The following TTC13 variants were observed in gnomAD, a reference collection of about 807,000 sequenced individuals.
TTC13 encodes tetratricopeptide repeat protein 13.
TTC13 carries 62 observed loss-of-function variants against 120.0 expected under a neutral mutation model. The observed-to-expected ratio is 0.52, with a 90% CI of 0.42 to 0.64. The LOEUF (loss-of-function observed/expected upper bound fraction) is 0.64. Among genes scored for constraint, TTC13 ranks in the 30% least tolerant of loss-of-function variants. The pLI, the probability that TTC13 is intolerant of heterozygous loss-of-function variation, is 0.00. For synonymous variants in TTC13, 384 were observed against 393.5 expected (o/e 0.98, Z 0.28); for missense variants, 824 against 1,050.2 (o/e 0.78, Z 2.98).
In TTC13 at chr1:230,923,823, T is replaced by C. The variant is rs1426298249; in HGVS notation, c.1814+18A>G. On this transcript the variant is annotated intron_variant, in intron 15 of 22. Transcript: ENST00000366661. ...TAAACTCCTAGGAAAAGAAGAAAGA[T>C]GCACAAAAGGTTCGTACCTGATTAA... 1.9e-6 allele frequency: 3 copies of C among 1,598,046 alleles called. No homozygotes were observed. The highest frequency in any genetic ancestry group is 1.3e-5 in the African/African-American group (1 of 74,524).
At chr1:230,917,185 C>T (rs892237901) in intron 17 of TTC13, among the ~76,000 whole-genome samples, 4 of 151,766 alleles carry the variant, frequency 2.6e-5, no homozygotes, top group African/African-American at 9.7e-5. Flanking sequence ...ATCTTTCACG[C>T]CAAAAAAAAC....
At chr1:230,931,111 T>C (rs758081209) in intron 11 of TTC13, among the ~76,000 whole-genome samples, 187 bp downstream of exon 11, 1 of 152,234 alleles carries the variant, frequency 6.6e-6, no homozygotes, top group Non-Finnish European at 1.5e-5. Flanking sequence ...AGAAAATGCA[T>C]TTGACTGATC....
At chr1:230,914,693 G>A (rs921099073) in intron 18 of TTC13, among the ~76,000 whole-genome samples, 2 of 151,998 alleles carry the variant, frequency 1.3e-5, no homozygotes, top group African/African-American at 4.8e-5. Context: ...GCGCCCGGCC[G>A]ACTTTCTTAA....
chr1:230,949,266 AG>A (rs5781614), intron 4 of TTC13, among the ~76,000 whole-genome samples: 150,546 of 150,546 alleles, frequency 1, 75,273 homozygotes, highest in Non-Finnish European at 1. Context: ...AGTGGGGTGC[AG>A]GTCAATGGAA....
intron 1 of TTC13, among the ~76,000 whole-genome samples, chr1:230,968,101 C>G (rs1677306794): frequency 6.6e-6 from 1 of 151,676 alleles, no homozygotes; most frequent in Non-Finnish European, 1.5e-5. Context: ...GCACCTGCTC[C>G]CTCTTTCTGT....
At chr1:230,941,539 G>A (rs1473675809) in intron 6 of TTC13, among the ~76,000 whole-genome samples, 1 of 152,170 alleles carries the variant, frequency 6.6e-6, no homozygotes, top group Non-Finnish European at 1.5e-5. Context: ...TTGGCCTTGA[G>A]CAATCCTCCT....
Position 230,940,417 on chromosome 1 carries a change from A to G in TTC13, c.789+23T>C. On this transcript the variant is annotated intron_variant, in intron 7 of 22. Transcript: ENST00000366661. This position sits in a 1 kb window ranked among gnomAD's most constrained non-coding sequence, Gnocchi z 4.1. ...ATGAAATCTTCATCATCATAAAAAT[A>G]CTTCAAGACAAAAACCAGTCACCTC... 1 of 1,448,380 alleles carries G rather than the reference A, an allele frequency of 6.9e-7. No homozygotes were observed. The highest frequency in any genetic ancestry group is 9.6e-7 in the Non-Finnish European group (1 of 1,037,678). The allele number at this position is 1,448,380 out of a possible 1,614,324, so 89.7% of individuals were successfully genotyped here.
intron 17 of TTC13, among the ~76,000 whole-genome samples, chr1:230,916,798 C>T (rs1672078368): frequency 1.3e-5 from 2 of 152,224 alleles, no homozygotes; most frequent in Non-Finnish European, 2.9e-5. Context: ...ACCCACCCAA[C>T]TCTGTGAGCC....
chr1:230,943,859 G>A lies in TTC13; in HGVS notation c.619C>T (p.Arg207Ter), dbSNP rs1180851976. The A allele has an allele frequency of 3.1e-6, 5 of 1,611,506 alleles. No individual in the cohort carries two copies. The highest frequency in any genetic ancestry group is 4.2e-6 in the Non-Finnish European group (5 of 1,178,346). The stretch of plus-strand genomic sequence containing the variant: ...CGATCTGGTTCCAAGGTAATTACTC[G>A]GCTCAGTTCGAACAGAGCAAGCTCA... ...NAELALFELS[R>*]VITLEPDRPE... The change falls in exon 6 of 23, where the codon CGA (arginine) becomes TGA (stop). Residue 207 changes from arginine to a stop codon, truncating the protein, a stop_gained. Coordinates refer to ENST00000366661, the MANE Select transcript of TTC13 (RefSeq NM_024525.5). LOFTEE classifies it high-confidence loss of function.
At chr1:230,925,027 C>A in intron 13 of TTC13, 54 bp from the exon 14 acceptor site, 1 of 1,603,748 alleles carries the variant, frequency 6.2e-7, no homozygotes, top group Non-Finnish European at 8.5e-7. Context: ...GACTGAGTTC[C>A]ACCTACTTTA....
chr1:230,915,516 C>T (rs547322234), intron 18 of TTC13, among the ~76,000 whole-genome samples: 43 of 152,036 alleles, frequency 2.8e-4, no homozygotes, highest in African/African-American at 9.6e-4. Flanking sequence ...TGAGAAATAC[C>T]CTAAGTGGTC....
At chr1:230,930,544 T>G (rs1195385189) in intron 11 of TTC13, among the ~76,000 whole-genome samples, 1 of 152,234 alleles carries the variant, frequency 6.6e-6, no homozygotes, top group Non-Finnish European at 1.5e-5. Context: ...ATTTGCTTTC[T>G]TCCTCACCTC....
chr1:230,928,672 T>C (rs899218734), intron 12 of TTC13, among the ~76,000 whole-genome samples: 1 of 152,258 alleles, frequency 6.6e-6, no homozygotes, highest in Admixed American at 6.5e-5. Flanking sequence ...AATGTTAATG[T>C]ATCTACCATT....
intron 22 of TTC13, 136 bp downstream of exon 22, chr1:230,908,576 A>T: frequency 1.4e-6 from 1 of 691,164 alleles, no homozygotes; most frequent in Non-Finnish European, 2.4e-6. Context: ...AAAGTGAATT[A>T]AATTCATTGT....
At chr1:230,976,240 A>C (rs977392074) in intron 1 of TTC13, among the ~76,000 whole-genome samples, 4 of 152,156 alleles carry the variant, frequency 2.6e-5, no homozygotes, top group African/African-American at 9.7e-5. Context: ...CTGGATCCTG[A>C]CATTTGTCTA....
intron 1 of TTC13, among the ~76,000 whole-genome samples, chr1:230,970,131 T>C (rs1438081936): frequency 2.0e-5 from 3 of 152,236 alleles, no homozygotes; most frequent in Non-Finnish European, 4.4e-5. Flanking sequence ...CATGGTACAT[T>C]TGTCACAACT....
intron 11 of TTC13, 128 bp downstream of exon 11, chr1:230,931,170 G>T: frequency 2.4e-6 from 2 of 822,930 alleles, no homozygotes; most frequent in Non-Finnish European, 3.8e-6. Context: ...GACAAGGTGT[G>T]GCTGTGGATG....
Position 230,961,278 on chromosome 1 carries a change from G to A in TTC13, c.297C>T (p.Asp99=). Residue 99 remains aspartate (D), a synonymous_variant, in exon 2 of 23, where the codon GAC becomes GAT. Coordinates refer to ENST00000366661, the MANE Select transcript of TTC13 (RefSeq NM_024525.5). The stretch of plus-strand genomic sequence containing the variant: ...ATGATCCCTTGGGTTCGCAGTCTGA[G>A]TCATGGAAGTTCAAAAAGGATGACT... ...CGESSFLNFH[D]SDCEPKGSSP... 1 of 1,613,906 alleles carries A rather than the reference G, an allele frequency of 6.2e-7. No homozygotes were observed.
intron 22 of TTC13, chr1:230,908,341 C>T (rs1176292306): frequency 2.2e-6 from 1 of 451,528 alleles, no homozygotes; most frequent in Non-Finnish European, 4.4e-6. Context: ...GCACACACCA[C>T]CATGCCCAGC....
Sources: allele counts gnomAD v4.1 joint callset (sites outside exome capture counted in the v4.1 genomes callset), GRCh38; gene constraint gnomAD v4.1.1; non-coding constraint Gnocchi (gnomAD v3.1); transcripts MANE v1.5; gene names NCBI Gene and HGNC (gene_info 2026-07-23, HGNC 2026-07-21).